ZMYND8: variants seen among roughly 807,000 people sequenced by gnomAD.
ZMYND8 encodes MYND-type zinc finger-containing chromatin reader ZMYND8.
A neutral mutation model predicts 140.8 loss-of-function variants in ZMYND8; 37 were observed. The ratio of observed to expected loss-of-function variants is 0.26; its 90% confidence interval spans 0.20 to 0.35. ZMYND8 has a LOEUF of 0.35. ZMYND8 is among the 10% of genes least tolerant of loss of function. ZMYND8 has a pLI of 1.00. For missense variants in ZMYND8, 1,068 were observed against 1,570.0 expected, an observed-to-expected ratio of 0.68 and a Z score of 5.40; for synonymous variants, 592 against 597.1, an observed-to-expected ratio of 0.99 and a Z score of 0.12.
At chr20:47,213,438 T>C (rs972195797) in intron 21 of ZMYND8, among the ~76,000 whole-genome samples, 3 of 152,256 alleles carry the variant, frequency 2.0e-5, no homozygotes, top group Non-Finnish European at 2.9e-5. Context: ...CAGTACACTA[T>C]GTGACTCTGC....
intron 16 of ZMYND8, among the ~76,000 whole-genome samples, chr20:47,232,517 C>T (rs1310463223): frequency 1.3e-5 from 2 of 151,792 alleles, no homozygotes; most frequent in African/African-American, 4.8e-5. Flanking sequence ...GGGTTAGACC[C>T]CAACTCTAAA....
intron 8 of ZMYND8, among the ~76,000 whole-genome samples, chr20:47,286,266 C>T (rs1281962549): frequency 6.6e-6 from 1 of 151,858 alleles, no homozygotes; most frequent in East Asian, 1.9e-4. Flanking sequence ...CAACCTCTGC[C>T]TCCCAGGTTC....
rs575154599 is a variant in ZMYND8 at position 47,288,812 on chromosome 20, T to C, written c.748+1375A>G. ...TATGCATATATCTTTCCTTAAACAC[T>C]AGCAAACAGGCTGGCGTGGTCTCTA... On this transcript the variant is annotated intron_variant, in intron 7 of 22. Transcript: ENST00000471951. Among the ~76,000 whole-genome samples, 241 of 152,286 alleles carry C rather than the reference T, an allele frequency of 1.6e-3. 1 individual carries two copies. Among genetic ancestry groups the C allele is most frequent in the African/African-American group, 5.5e-3 (230 of 41,556 alleles).
At chr20:47,351,691 G>A (rs1457726183) in intron 1 of ZMYND8, 1 of 985,284 alleles carries the variant, frequency 1.0e-6, no homozygotes, top group African/African-American at 1.7e-5. Context: ...TAGCAGAGCA[G>A]CTTTATATAA....
rs1207427042 is a variant in ZMYND8, at chr20:47,298,074, A to C, written c.453+655T>G. Among the ~76,000 whole-genome samples, 1 of 151,652 alleles carries C rather than the reference A, an allele frequency of 6.6e-6. No individual in the cohort carries two copies. The highest frequency in any genetic ancestry group is 1.5e-5 in the Non-Finnish European group (1 of 67,940). ...CACATTCAAAATGAAAACACCTTGC[A>C]CTCCCTTGGACCTCCTATTCCCATC... On this transcript the variant is annotated intron_variant, in intron 4 of 22. Coordinates refer to ENST00000471951, the MANE Select transcript of ZMYND8 (RefSeq NM_001281775.3). The surrounding 1 kb of genome is among the most constrained non-coding windows in gnomAD (Gnocchi z 5.0).
At chr20:47,249,475 A>G (rs2073993807) in intron 12 of ZMYND8, 36 bp from the exon 13 acceptor site, 3 of 1,603,250 alleles carry the variant, frequency 1.9e-6, no homozygotes, top group South Asian at 2.2e-5. Context: ...AAGATCAGGC[A>G]CACACCATCC....
At chr20:47,258,981 C>T (rs1204152203) in intron 12 of ZMYND8, among the ~76,000 whole-genome samples, 1 of 151,974 alleles carries the variant, frequency 6.6e-6, no homozygotes, top group East Asian at 1.9e-4. Context: ...CACAAGAGGG[C>T]CTCGGTTCCC....
chr20:47,283,691 G>T (rs1210521380), intron 8 of ZMYND8, 43 bp from the exon 9 acceptor site: 1 of 1,577,216 alleles, frequency 6.3e-7, no homozygotes, highest in Non-Finnish European at 8.7e-7. Flanking sequence ...CCCAGGGGTG[G>T]ATATCTTGTG....
chr20:47,309,935 G>T, intron 3 of ZMYND8, 121 bp downstream of exon 3: 1 of 1,357,624 alleles, frequency 7.4e-7, no homozygotes, highest in Non-Finnish European at 1.0e-6. Flanking sequence ...GCAAATGACA[G>T]CCAGCGCAAG....
intron 12 of ZMYND8, among the ~76,000 whole-genome samples, chr20:47,255,980 G>C (rs1157416467): frequency 1.3e-5 from 2 of 150,184 alleles, no homozygotes; most frequent in Non-Finnish European, 3.0e-5. Context: ...GGCTGAGGCA[G>C]GAGAATCACC....
At chr20:47,331,651 G>A (rs558406912) in intron 2 of ZMYND8, among the ~76,000 whole-genome samples, 1 of 142,162 alleles carries the variant, frequency 7.0e-6, no homozygotes, top group African/African-American at 2.4e-5. Context: ...TGGCCAGAGA[G>A]AGGAGGAGAA....
Position 47,210,202 on chromosome 20 carries a change from G to T in ZMYND8, c.*559C>A, listed in dbSNP as rs1299374549. ...CTGAAAGGAGCCAACGGCTTGATGG[G>T]ATAGTCTGTGCCGAAACTCCCGATC... On this transcript the variant is annotated 3_prime_UTR_variant, in exon 23 of 23. Transcript: ENST00000471951. 6.5e-6 allele frequency: 1 copy of T among 153,210 alleles called. No individual in the cohort carries two copies. The highest frequency in any genetic ancestry group is 1.5e-5 in the Non-Finnish European group (1 of 68,454). The allele number at this position is 153,210 out of a possible 1,614,324, so 9.5% of individuals were successfully genotyped here.
chr20:47,220,577 G>A (rs2036804747), intron 20 of ZMYND8, among the ~76,000 whole-genome samples: 1 of 151,956 alleles, frequency 6.6e-6, no homozygotes, highest in South Asian at 2.1e-4. Flanking sequence ...AACATTCACT[G>A]TTTCCTAAAC....
intron 12 of ZMYND8, 152 bp downstream of exon 12, chr20:47,262,136 G>A (rs986560241): frequency 2.7e-6 from 3 of 1,097,842 alleles, no homozygotes; most frequent in Admixed American, 4.5e-5. Flanking sequence ...TCTTTTCACA[G>A]ATCTTTTCTC....
rs1171711620 is a variant in ZMYND8, at chr20:47,262,664, T to TA, written c.1481-237dup. ...CACAAATGAAGAAGGTCTCCCCAGT[T>TA]ACTCTATTAAGCACAAAGCTCTAAG... is the stretch of plus-strand genomic sequence containing the variant. On this transcript the variant is annotated intron_variant, in intron 11 of 22. Transcript: ENST00000471951. Among the ~76,000 whole-genome samples the TA allele has an allele frequency of 2.0e-5, 3 of 152,194 alleles. No homozygotes were observed. In the East Asian group the frequency reaches 5.8e-4, roughly 29 times the overall value.
intron 2 of ZMYND8, among the ~76,000 whole-genome samples, chr20:47,326,319 C>T (rs770530776): frequency 2.6e-5 from 4 of 152,150 alleles, no homozygotes; most frequent in Admixed American, 2.6e-4. Context: ...CCAGGCTGGT[C>T]TCGAACTCCT....
intron 19 of ZMYND8, 116 bp from the exon 20 acceptor site, chr20:47,221,590 C>T: frequency 7.6e-7 from 1 of 1,310,902 alleles, no homozygotes; most frequent in South Asian, 1.7e-5. Flanking sequence ...CTACCCAGGG[C>T]ATAAAAGTGG....
intron 12 of ZMYND8, among the ~76,000 whole-genome samples, chr20:47,250,220 A>C (rs1400461885): frequency 6.6e-6 from 1 of 152,142 alleles, no homozygotes; most frequent in Non-Finnish European, 1.5e-5. Context: ...GACCAGCAGG[A>C]CAGATTCCAA....
At chr20:47,262,020 G>A (rs1275285739) in intron 12 of ZMYND8, among the ~76,000 whole-genome samples, 22 of 151,204 alleles carry the variant, frequency 1.5e-4, no homozygotes, top group African/African-American at 5.1e-4. Flanking sequence ...GCAGGGAGCC[G>A]AGACCGCACC....
Sources: gnomAD v4.1 joint callset for allele counts (sites outside exome capture counted in the v4.1 genomes callset) on GRCh38, gnomAD v4.1.1 for gene constraint, Gnocchi (gnomAD v3.1) non-coding constraint, MANE v1.5 for transcripts, NCBI Gene and HGNC (gene_info 2026-07-23, HGNC 2026-07-21) for gene names.